The following SLC4A8 variants were observed in gnomAD, a reference collection of about 807,000 sequenced individuals.
The protein encoded by SLC4A8 is electroneutral sodium bicarbonate exchanger 1.
A neutral mutation model predicts 125.0 loss-of-function variants in SLC4A8; 40 were observed. The observed-to-expected ratio is 0.32, with a 90% CI of 0.25 to 0.42. The LOEUF (loss-of-function observed/expected upper bound fraction) is 0.42. Ranked by LOEUF, SLC4A8 falls within the 10% of genes least tolerant of loss-of-function variation. The probability of loss-of-function intolerance (pLI) is 1.00; values close to 1 mark genes in which losing one functional copy is unlikely to be tolerated. For missense variants in SLC4A8, 863 were observed against 1,355.1 expected (o/e 0.64, Z 5.70); for synonymous variants, 456 against 476.0 (o/e 0.96, Z 0.55).
chr12:51,479,943 A>G (rs1392668566), intron 16 of SLC4A8: 2 of 407,030 alleles, frequency 4.9e-6, no homozygotes, highest in Non-Finnish European at 9.5e-6. Flanking sequence ...GGCTGTTTCT[A>G]CAAGGCCAAG....
chr12:51,507,566 G>C lies in SLC4A8; in HGVS notation c.*128G>C, dbSNP rs1458855479. The C allele has an allele frequency of 8.4e-6, 5 of 596,694 alleles. No homozygotes were observed. Among genetic ancestry groups the C allele is most frequent in the Non-Finnish European group, 1.4e-5 (5 of 367,044 alleles). 37.0% of individuals were successfully genotyped at this position (596,694 alleles called of 1,614,324 possible). A position where few individuals can be genotyped will look rare whatever the true frequency, so the allele number is the denominator to read the frequency against. On this transcript the variant is annotated 3_prime_UTR_variant, in exon 25 of 25. Coordinates refer to ENST00000453097, the MANE Select transcript of SLC4A8 (RefSeq NM_001039960.3). ...TGGCCCTGTCCTTGGTCATCTCAAAGCCATGCCGAAGCATTCAGTTATTCT... is the reference window on the plus strand; with the variant it reads ...TGGCCCTGTCCTTGGTCATCTCAAACCCATGCCGAAGCATTCAGTTATTCT...
rs185763840 is a variant in SLC4A8 at position 51,490,171 on chromosome 12, A to T, written c.2700+220A>T. Among the ~76,000 whole-genome samples the T allele has an allele frequency of 2.7e-3, 418 of 152,314 alleles. 1 individual carries two copies. Among genetic ancestry groups the T allele is most frequent in the Non-Finnish European group, 5.0e-3 (340 of 68,032 alleles). On this transcript the variant is annotated intron_variant, in intron 19 of 24. Coordinates refer to ENST00000453097, the MANE Select transcript of SLC4A8 (RefSeq NM_001039960.3). ...GAATGTGAATAGTGATATAAAGGAA[A>T]TACACAGTGCTTTCTGGCACTATAG...
At chr12:51,442,423 T>C (rs1208252015) in intron 2 of SLC4A8, among the ~76,000 whole-genome samples, 1 of 152,224 alleles carries the variant, frequency 6.6e-6, no homozygotes, top group Non-Finnish European at 1.5e-5. Context: ...ATGAACACTC[T>C]TGTCTACTTG....
intron 1 of SLC4A8, among the ~76,000 whole-genome samples, chr12:51,427,392 A>G (rs1158053648): frequency 1.3e-5 from 2 of 152,166 alleles, no homozygotes; most frequent in African/African-American, 4.8e-5. Context: ...CTGTGAAATT[A>G]GTAATTCTTG....
intron 19 of SLC4A8, among the ~76,000 whole-genome samples, chr12:51,491,158 T>C (rs1445161077): frequency 6.6e-6 from 1 of 152,076 alleles, no homozygotes; most frequent in Non-Finnish European, 1.5e-5. Context: ...GGTGGGGCTG[T>C]GATCAGATTT....
intron 16 of SLC4A8, among the ~76,000 whole-genome samples, chr12:51,479,765 T>G (rs1424444193): frequency 6.6e-6 from 1 of 151,980 alleles, no homozygotes; most frequent in East Asian, 1.9e-4. Context: ...AATAAAATTT[T>G]ATAAATAAAC....
Position 51,460,125 on chromosome 12 carries a change from A to G in SLC4A8, c.1013+17A>G. The stretch of plus-strand genomic sequence containing the variant: ...CCCAACAAGGTAAAGGCAAAGATAA[A>G]ACTCATGCATTCTATCCAAAATTCA... On this transcript the variant is annotated intron_variant, in intron 8 of 24. Coordinates refer to ENST00000453097, the MANE Select transcript of SLC4A8 (RefSeq NM_001039960.3). The G allele has an allele frequency of 6.2e-7, 1 of 1,606,210 alleles. No individual in the cohort carries two copies. The highest frequency in any genetic ancestry group is 8.5e-7 in the Non-Finnish European group (1 of 1,172,806).
intron 1 of SLC4A8, among the ~76,000 whole-genome samples, chr12:51,436,321 A>G (rs78408064): frequency 0.047 from 7,110 of 152,210 alleles, 517 homozygotes; most frequent in African/African-American, 0.15. Flanking sequence ...CTTTGTCCTT[A>G]GAGTATATGC....
Position 51,447,064 on chromosome 12 carries a change from ATCTG to A in SLC4A8, c.131-3808_131-3805del, listed in dbSNP as rs1339153043. ...TGTCTGTCTGTCTGTCTGTCTATCTATCTGTCTATCTATCTATCTATCTATCTAG... is the reference window on the plus strand; with the variant it reads ...TGTCTGTCTGTCTGTCTGTCTATCTATCTATCTATCTATCTATCTATCTAG... On this transcript the variant is annotated intron_variant, in intron 2 of 24. Transcript: ENST00000453097. Among the ~76,000 whole-genome samples the A allele has an allele frequency of 1.0e-4, 15 of 149,236 alleles. No individual in the cohort carries two copies. In the East Asian group the frequency reaches 2.0e-3, roughly 20 times the overall value.
In SLC4A8 at chr12:51,480,804, C is replaced by T. The variant is rs143300047; in HGVS notation, c.2173-4983C>T. On this transcript the variant is annotated intron_variant, in intron 16 of 24. Coordinates refer to ENST00000453097, the MANE Select transcript of SLC4A8 (RefSeq NM_001039960.3). ...TTGGAGTTGACTTGGTTGTTTTCTC[C>T]TACCTACAATAGAATGTGCCTGCTG... Among the ~76,000 whole-genome samples the T allele has an allele frequency of 4.5e-4, 69 of 152,300 alleles. 2 individuals are homozygous for T. The highest frequency in any genetic ancestry group is 3.9e-4 in the East Asian group (2 of 5,190).
In SLC4A8 at chr12:51,512,731, A is replaced by G. The variant is rs1440182391; in HGVS notation, c.*5293A>G. The G allele has an allele frequency of 6.6e-6, 1 of 152,180 alleles. No individual in the cohort carries two copies. The highest frequency in any genetic ancestry group is 1.5e-5 in the Non-Finnish European group (1 of 68,050). The allele number at this position is 152,180 out of a possible 1,614,324, so 9.4% of individuals were successfully genotyped here. A position where few individuals can be genotyped will look rare whatever the true frequency, so the allele number is the denominator to read the frequency against. ...GCCATAAGATTTCATTGTTACTACTAGTCTTTGTGTACCTATCTGGAGGGA... is the reference window on the plus strand; with the variant it reads ...GCCATAAGATTTCATTGTTACTACTGGTCTTTGTGTACCTATCTGGAGGGA... On this transcript the variant is annotated 3_prime_UTR_variant, in exon 25 of 25. Coordinates refer to ENST00000453097, the MANE Select transcript of SLC4A8 (RefSeq NM_001039960.3).
intron 2 of SLC4A8, among the ~76,000 whole-genome samples, chr12:51,448,502 A>G (rs1418973139): frequency 6.6e-6 from 1 of 152,200 alleles, no homozygotes; most frequent in Non-Finnish European, 1.5e-5. Context: ...GAATTTTGAA[A>G]ACAGAAGAGT....
intron 1 of SLC4A8, among the ~76,000 whole-genome samples, chr12:51,402,457 C>T (rs1379915227): frequency 6.6e-6 from 1 of 152,148 alleles, no homozygotes; most frequent in African/African-American, 2.4e-5. Context: ...CACAGTAGCT[C>T]ACGCCTGTAA....
Position 51,509,652 on chromosome 12 carries a change from A to G in SLC4A8, c.*2214A>G, listed in dbSNP as rs911048490. 12 of 152,162 alleles carry G rather than the reference A, an allele frequency of 7.9e-5. No homozygotes were observed. The highest frequency in any genetic ancestry group is 2.9e-4 in the African/African-American group (12 of 41,420). The allele number at this position is 152,162 out of a possible 1,614,324, so 9.4% of individuals were successfully genotyped here. ...GAGTGTATCAAAACTGGGTGAGAGT[A>G]TCACTCAGAAAAATGCCTCCCCTAA... On this transcript the variant is annotated 3_prime_UTR_variant, in exon 25 of 25. Coordinates refer to ENST00000453097, the MANE Select transcript of SLC4A8 (RefSeq NM_001039960.3).
intron 13 of SLC4A8, among the ~76,000 whole-genome samples, chr12:51,470,886 T>C (rs531671274): frequency 3.9e-5 from 6 of 151,986 alleles, no homozygotes; most frequent in Non-Finnish European, 7.4e-5. Flanking sequence ...TTTGTTTTTT[T>C]GCTATTGATA....
chr12:51,458,476 C>A, intron 6 of SLC4A8, 83 bp from the exon 7 acceptor site: 1 of 956,318 alleles, frequency 1.0e-6, no homozygotes, highest in Non-Finnish European at 1.7e-6. Flanking sequence ...CAGGAGAAGG[C>A]AGAACCAACT....
intron 1 of SLC4A8, among the ~76,000 whole-genome samples, chr12:51,406,622 T>C (rs148368067): frequency 6.6e-6 from 1 of 152,308 alleles, no homozygotes; most frequent in Non-Finnish European, 1.5e-5. Context: ...GTGGGAGAGA[T>C]GCAAATAGAG....
chr12:51,483,837 C>T (rs1951094590), intron 16 of SLC4A8, among the ~76,000 whole-genome samples: 1 of 152,030 alleles, frequency 6.6e-6, no homozygotes, highest in East Asian at 1.9e-4. Context: ...GTGCTGCACC[C>T]ATTACCTCAT....
intron 22 of SLC4A8, among the ~76,000 whole-genome samples, chr12:51,502,733 T>G (rs1937959862): frequency 6.6e-6 from 1 of 151,142 alleles, no homozygotes; most frequent in East Asian, 1.9e-4. Flanking sequence ...TGCAGTGGTG[T>G]GATCTCGGCC....
Sources: gnomAD v4.1 joint callset for allele counts (sites outside exome capture counted in the v4.1 genomes callset) on GRCh38, gnomAD v4.1.1 for gene constraint, MANE v1.5 for transcripts, NCBI Gene and HGNC (gene_info 2026-07-23, HGNC 2026-07-21) for gene names.